Variants in ADGRG1 observed in about 807,000 individuals in gnomAD.
ADGRG1 encodes adhesion G protein-coupled receptor G1.
Under a neutral mutation model 73.5 loss-of-function variants are expected in ADGRG1, and 53 were observed. The ratio of observed to expected loss-of-function variants is 0.72; its 90% CI spans 0.58 to 0.91. The LOEUF is 0.91. Among genes scored for constraint, ADGRG1 ranks in the 40% least tolerant of loss-of-function variants. The pLI, the probability that ADGRG1 is intolerant of heterozygous loss-of-function variation, is 0.00. For missense variants in ADGRG1, 795 were observed against 871.8 expected (o/e 0.91, Z 1.11); for synonymous variants, 394 against 374.4 (o/e 1.05, Z -0.60).
intron 1 of ADGRG1, chr16:57,630,941 G>A: frequency 2.0e-6 from 2 of 985,218 alleles, no homozygotes; most frequent in South Asian, 4.7e-5. Flanking sequence ...GACTTGATGA[G>A]CCAGGCCAGC....
At chr16:57,640,831 T>C in intron 1 of ADGRG1, 1 of 951,298 alleles carries the variant, frequency 1.1e-6, no homozygotes, top group Non-Finnish European at 1.3e-6. Context: ...CTAAGTGTCC[T>C]GCGCTCCAAA....
chr16:57,657,554 C>A, intron 10 of ADGRG1, 63 bp downstream of exon 10: 3 of 1,227,364 alleles, frequency 2.4e-6, no homozygotes, highest in Admixed American at 3.4e-5. Flanking sequence ...TCCACCAGGG[C>A]GCCGCACACA....
At chr16:57,661,494 A>G in intron 12 of ADGRG1, 6 of 981,454 alleles carry the variant, frequency 6.1e-6, no homozygotes, top group Non-Finnish European at 7.3e-6. Context: ...TACTATCTAT[A>G]TTATTACTTA....
intron 10 of ADGRG1, among the ~76,000 whole-genome samples, chr16:57,658,302 C>T (rs1336326482): frequency 2.0e-5 from 3 of 152,176 alleles, no homozygotes; most frequent in Non-Finnish European, 2.9e-5. Context: ...CTCACAACAG[C>T]CCTATGAAGG....
chr16:57,632,593 G>T (rs1035757042), intron 1 of ADGRG1, among the ~76,000 whole-genome samples: 2 of 152,204 alleles, frequency 1.3e-5, no homozygotes, highest in Non-Finnish European at 2.9e-5. Flanking sequence ...CTACTGCTGG[G>T]AGAGCTGCGG....
chr16:57,651,122 C>T, intron 2 of ADGRG1, 78 bp from the exon 3 acceptor site: 2 of 1,606,680 alleles, frequency 1.2e-6, no homozygotes, highest in Non-Finnish European at 1.7e-6. Flanking sequence ...CACATGTACT[C>T]AGCCTAGGTC....
intron 3 of ADGRG1, 197 bp downstream of exon 3, chr16:57,651,819 C>T (rs929876495): frequency 3.3e-5 from 48 of 1,467,382 alleles, no homozygotes; most frequent in Middle Eastern, 5.0e-4. Context: ...TGAACCACTG[C>T]GCTCGGCCCC....
chr16:57,658,469 C>T (rs114402763), intron 10 of ADGRG1, among the ~76,000 whole-genome samples: 1 of 152,210 alleles, frequency 6.6e-6, no homozygotes, highest in East Asian at 1.9e-4. Context: ...TTCTCACTGT[C>T]CCCAGCCACG....
Position 57,653,388 on chromosome 16 carries a change from G to A in ADGRG1, c.620+53G>A, listed in dbSNP as rs563197569. On this transcript the variant is annotated intron_variant, in intron 4 of 13. Transcript: ENST00000562631. Reference sequence around the variant, plus strand: ...GGAGGCAGGAAGGCATCAGAGATCTGGACCTGGGCAGGGTGGGACCTGGAG... The same window carrying A: ...GGAGGCAGGAAGGCATCAGAGATCTAGACCTGGGCAGGGTGGGACCTGGAG... 8.2e-5 allele frequency: 131 copies of A among 1,599,654 alleles called. No homozygotes were observed. The African/African-American group carries it at 1.6e-3, about 20-fold the overall frequency.
intron 4 of ADGRG1, 86 bp downstream of exon 4, chr16:57,653,421 TA>T (rs2044642607): frequency 1.3e-6 from 2 of 1,583,166 alleles, no homozygotes; most frequent in Non-Finnish European, 1.7e-6. Flanking sequence ...GAGTAGGGGC[TA>T]CTGCGAGGCC....
Position 57,663,781 on chromosome 16 carries a change from C to T in ADGRG1, c.*199C>T, listed in dbSNP as rs1324092487. 6.3e-6 allele frequency: 4 copies of T among 635,736 alleles called. No individual in the cohort carries two copies. The highest frequency in any genetic ancestry group is 1.1e-5 in the Non-Finnish European group (4 of 359,984). 39.4% of individuals were successfully genotyped at this position (635,736 alleles called of 1,614,324 possible). A position where few individuals can be genotyped will look rare whatever the true frequency, so the allele number is the denominator to read the frequency against. On this transcript the variant is annotated 3_prime_UTR_variant, in exon 14 of 14. Transcript: ENST00000562631. ...TGAATTGGCCTTGGGGACTACTCGG[C>T]TCTCACTCAGCTCCCACGGGACTCA...
chr16:57,652,052 C>G, intron 3 of ADGRG1: 1 of 1,063,830 alleles, frequency 9.4e-7, no homozygotes, highest in Non-Finnish European at 1.1e-6. Flanking sequence ...GAAACTGGGG[C>G]ACAGAGAGGA....
rs1462375970 is a variant in ADGRG1, at chr16:57,651,602, G to A, written c.467G>A (p.Ser156Asn). Residue 156 changes from serine to asparagine, a missense_variant, in exon 3 of 14, where the codon AGC becomes AAC. Physicochemically the swap from Ser to Asn is conservative, Grantham distance 46 (BLOSUM62 1). Coordinates refer to ENST00000562631, the MANE Select transcript of ADGRG1 (RefSeq NM_201525.4). ...AACATCAGCCTGCCCAGTGCCGCCA[G>A]CTTCACCTTCTCCTTCCACAGTAAG... is the stretch of plus-strand genomic sequence containing the variant. ...PQNISLPSAA[S>N]FTFSFHSPPH... is the part of the protein sequence containing the mutation. 1 of 1,613,922 alleles carries A rather than the reference G, an allele frequency of 6.2e-7. No homozygotes were observed.
At chr16:57,655,604 A>G in intron 6 of ADGRG1, 74 bp downstream of exon 6, 3 of 1,607,496 alleles carry the variant, frequency 1.9e-6, no homozygotes, top group African/African-American at 1.3e-5. Context: ...GAAGGCACGC[A>G]GATGAGCTCC....
At chr16:57,645,265 C>G in intron 1 of ADGRG1, 3 of 985,406 alleles carry the variant, frequency 3.0e-6, no homozygotes, top group Non-Finnish European at 3.6e-6. Flanking sequence ...CCTCTCCCAG[C>G]GAGGGCCCAT....
At chr16:57,637,541 CCTT>C (rs1352579854) in intron 1 of ADGRG1, 1 of 985,316 alleles carries the variant, frequency 1.0e-6, no homozygotes, top group Admixed American at 6.1e-5. Flanking sequence ...ACAGAGGCCG[CCTT>C]CTCCGGCCAG....
chr16:57,632,000 G>A, intron 1 of ADGRG1: 5 of 985,472 alleles, frequency 5.1e-6, no homozygotes, highest in Non-Finnish European at 4.8e-6. Flanking sequence ...ACTCTCCCTG[G>A]TTCCCTGATG....
At chr16:57,659,122 T>C (rs2046431568) in intron 10 of ADGRG1, 1 of 985,170 alleles carries the variant, frequency 1.0e-6, no homozygotes, top group South Asian at 4.7e-5. Flanking sequence ...CGCTCTGACT[T>C]TGAGAGTATC....
intron 1 of ADGRG1, chr16:57,636,346 G>T (rs2039360141): frequency 1.0e-6 from 1 of 985,292 alleles, no homozygotes; most frequent in Non-Finnish European, 1.2e-6. Flanking sequence ...GCATAGGAAA[G>T]GCATGCGCTC....
Sources: allele counts gnomAD v4.1 joint callset (sites outside exome capture counted in the v4.1 genomes callset), GRCh38; gene constraint gnomAD v4.1.1; transcripts MANE v1.5; gene names NCBI Gene and HGNC (gene_info 2026-07-23, HGNC 2026-07-21).